Variants in COG6 observed in about 807,000 individuals in gnomAD.
COG6 encodes the protein conserved oligomeric Golgi complex subunit 6.
Under a neutral mutation model 88.8 loss-of-function variants are expected in COG6, and 74 were observed. That is an observed-to-expected ratio of 0.83 (90% CI 0.69 to 1.01). The LOEUF is 1.01. Ranked by LOEUF, COG6 falls within the 50% of genes least tolerant of loss-of-function variation. The pLI is 0.00. For synonymous variants in COG6, 286 were observed against 278.7 expected (o/e 1.03, Z -0.26); for missense variants, 800 against 797.9 (o/e 1.00, Z -0.03).
In COG6 at chr13:39,745,196, C is replaced by T. The variant is rs541414498; in HGVS notation, c.1827-5750C>T. On this transcript the variant is annotated intron_variant, in intron 18 of 18. Transcript: ENST00000455146. ...ATAGGCATGGGCAAGGACTTCATGACGAAAACACCAAAAGCAATGGCAACA... is the reference window on the plus strand; with the variant it reads ...ATAGGCATGGGCAAGGACTTCATGATGAAAACACCAAAAGCAATGGCAACA... Among the ~76,000 whole-genome samples, 6 of 152,224 alleles carry T rather than the reference C, an allele frequency of 3.9e-5. No homozygotes were observed. The East Asian group carries it at 5.8e-4, about 15-fold the overall frequency.
chr13:39,759,663 T>G (rs769625048), intron 18 of COG6, among the ~76,000 whole-genome samples: 1 of 152,172 alleles, frequency 6.6e-6, no homozygotes, highest in Non-Finnish European at 1.5e-5. Context: ...TAATTATGTA[T>G]TTTTGCAGGT....
At chr13:39,723,505 C>T in intron 16 of COG6, 65 bp downstream of exon 16, 1 of 930,062 alleles carries the variant, frequency 1.1e-6, no homozygotes, top group South Asian at 1.3e-5. Context: ...TCTTCTAGAG[C>T]TGCACTCTGG....
At chr13:39,693,790 G>A (rs1003105393) in intron 11 of COG6, among the ~76,000 whole-genome samples, 7 of 151,806 alleles carry the variant, frequency 4.6e-5, no homozygotes, top group Admixed American at 2.0e-4. Context: ...TACAGAGAAA[G>A]TTCAGTTTTT....
At chr13:39,750,799 G>GTGTAGCCATATAGTGATTATTA (rs1880580385) in intron 18 of COG6, 147 bp from the exon 19 acceptor site, 1 of 636,524 alleles carries the variant, frequency 1.6e-6, no homozygotes, top group African/African-American at 1.8e-5. Context: ...AGGATTAACT[G>GTGTAGCCATATAGTGATTATTA]TGTAGCCATA....
chr13:39,680,897 A>C (rs1447371980), intron 7 of COG6, among the ~76,000 whole-genome samples: 2 of 151,848 alleles, frequency 1.3e-5, no homozygotes, highest in Non-Finnish European at 2.9e-5. Flanking sequence ...ATCTGAGAAA[A>C]TCTCTCCATT....
chr13:39,781,212 G>A (rs2138188146), intron 18 of COG6, among the ~76,000 whole-genome samples: 1 of 152,264 alleles, frequency 6.6e-6, no homozygotes, highest in South Asian at 2.1e-4. Context: ...GAAGAGAAGG[G>A]GAGGTGAGAG....
At chr13:39,787,898 A>G (rs1881824940) in intron 18 of COG6, among the ~76,000 whole-genome samples, 1 of 152,150 alleles carries the variant, frequency 6.6e-6, no homozygotes, top group Non-Finnish European at 1.5e-5. Flanking sequence ...GCATCTGTGG[A>G]TTTTGGTATC....
chr13:39,767,411 AT>A (rs35740791), intron 18 of COG6, among the ~76,000 whole-genome samples: 44,344 of 151,856 alleles, frequency 0.29, 6,699 homozygotes, highest in Non-Finnish European at 0.35. Flanking sequence ...GAAATTACGG[AT>A]TTTTTTCTTG....
At position 39,678,137 on chromosome 13, in the gene COG6, G is replaced by C. The variant is rs534708107; in HGVS notation, c.540+558G>C. On this transcript the variant is annotated intron_variant, in intron 5 of 18. Coordinates refer to ENST00000455146, the MANE Select transcript of COG6 (RefSeq NM_020751.3). Reference sequence around the variant, plus strand: ...GCTGGAGTGCAGTAGCACGAACACAGCTCACTGCAGCCTCAACCTCCCAGG... The same window carrying C: ...GCTGGAGTGCAGTAGCACGAACACACCTCACTGCAGCCTCAACCTCCCAGG... 1.7e-4 allele frequency: 74 copies of C among 425,576 alleles called. No homozygotes were observed. The Admixed American group carries it at 1.8e-3, about 11-fold the overall frequency. The allele number at this position is 425,576 out of a possible 1,614,324, so 26.4% of individuals were successfully genotyped here.
At chr13:39,661,502 T>A (rs1406759723) in intron 3 of COG6, among the ~76,000 whole-genome samples, 1 of 152,178 alleles carries the variant, frequency 6.6e-6, no homozygotes, top group Admixed American at 6.5e-5. Context: ...TCAACAGTGA[T>A]TCTAGGAAGA....
chr13:39,781,703 T>C (rs910697654), intron 18 of COG6, among the ~76,000 whole-genome samples: 1 of 152,130 alleles, frequency 6.6e-6, no homozygotes, highest in Non-Finnish European at 1.5e-5. Context: ...GTGCCCACAA[T>C]ATGTATGCAC....
intron 4 of COG6, among the ~76,000 whole-genome samples, chr13:39,669,045 A>G (rs116645874): frequency 8.9e-4 from 135 of 152,206 alleles, no homozygotes; most frequent in African/African-American, 2.8e-3. Context: ...CATCACCACA[A>G]ATAGTGTCCT....
chr13:39,719,916 T>C, intron 15 of COG6, 89 bp downstream of exon 15: 4 of 1,006,992 alleles, frequency 4.0e-6, no homozygotes, highest in East Asian at 2.5e-5. Flanking sequence ...CTAGTTTTAA[T>C]GACCTAATTC....
chr13:39,656,881 G>C (rs939478023), intron 1 of COG6: 8 of 455,846 alleles, frequency 1.8e-5, no homozygotes, highest in Non-Finnish European at 2.6e-5. Flanking sequence ...GACTCAGTGA[G>C]AGACTCCAGG....
intron 18 of COG6, among the ~76,000 whole-genome samples, chr13:39,746,730 C>G (rs748753297): frequency 5.1e-4 from 77 of 152,182 alleles, no homozygotes; most frequent in Non-Finnish European, 6.3e-4. Context: ...TAGACAGATA[C>G]TTAATATACT....
chr13:39,754,444 C>T (rs967934857), downstream of COG6, among the ~76,000 whole-genome samples: 6 of 152,076 alleles, frequency 3.9e-5, no homozygotes, highest in African/African-American at 1.4e-4. Flanking sequence ...ATGATTAATA[C>T]AATTTAAGAT....
At chr13:39,682,429 C>G in intron 8 of COG6, 165 bp downstream of exon 8, 1 of 588,046 alleles carries the variant, frequency 1.7e-6, no homozygotes, top group Admixed American at 3.0e-5. Context: ...GGGGTATCAG[C>G]TTATTTGAAT....
At chr13:39,685,504 T>C (rs1191494587) in intron 8 of COG6, among the ~76,000 whole-genome samples, 2 of 152,198 alleles carry the variant, frequency 1.3e-5, no homozygotes, top group Non-Finnish European at 2.9e-5. Flanking sequence ...TAAAATACAC[T>C]GGATTTTAAG....
intron 13 of COG6, among the ~76,000 whole-genome samples, chr13:39,714,449 A>C (rs183767993): frequency 9.2e-5 from 14 of 152,296 alleles, no homozygotes; most frequent in African/African-American, 3.4e-4. Flanking sequence ...TAATCCCATC[A>C]AAAAGTGGGC....
Sources: allele counts gnomAD v4.1 joint callset (sites outside exome capture counted in the v4.1 genomes callset), GRCh38; gene constraint gnomAD v4.1.1; transcripts MANE v1.5; gene names NCBI Gene and HGNC (gene_info 2026-07-23, HGNC 2026-07-21).